Variants in USP32 observed in about 807,000 individuals in gnomAD.
The protein encoded by USP32 is ubiquitin carboxyl-terminal hydrolase 32.
USP32 carries 59 observed loss-of-function variants against 204.8 expected under a neutral mutation model. The observed-to-expected ratio is 0.29, with a 90% CI of 0.23 to 0.36. USP32 has a LOEUF of 0.36. USP32 is among the 10% of genes least tolerant of loss of function. The probability of loss-of-function intolerance (pLI) is 1.00; values close to 1 mark genes in which losing one functional copy is unlikely to be tolerated. For synonymous variants in USP32, 517 were observed against 678.4 expected, an observed-to-expected ratio of 0.76 and a Z score of 3.70; for missense variants, 1,160 against 1,946.4, an observed-to-expected ratio of 0.60 and a Z score of 7.60.
At chr17:60,223,145 T>A (rs903835386) in intron 14 of USP32, among the ~76,000 whole-genome samples, 3 of 152,134 alleles carry the variant, frequency 2.0e-5, no homozygotes, top group East Asian at 3.8e-4. Flanking sequence ...GAAAAAAAAA[T>A]TCATACATAG....
intron 16 of USP32, among the ~76,000 whole-genome samples, chr17:60,216,402 C>G (rs1056173693): frequency 6.6e-6 from 1 of 151,634 alleles, no homozygotes; most frequent in Admixed American, 6.6e-5. Context: ...TATTGAGCAA[C>G]CCAACTTAAA....
intron 4 of USP32, among the ~76,000 whole-genome samples, chr17:60,289,029 A>G (rs540702198): frequency 6.6e-6 from 1 of 152,320 alleles, no homozygotes; most frequent in African/African-American, 2.4e-5. Context: ...TTTGTTTGAG[A>G]CGGAGTCTCA....
chr17:60,244,570 T>G (rs748321912), intron 11 of USP32, among the ~76,000 whole-genome samples: 1 of 152,230 alleles, frequency 6.6e-6, no homozygotes, highest in Non-Finnish European at 1.5e-5. Flanking sequence ...TGGGGGATCA[T>G]TTTCTTAGAG....
At chr17:60,330,954 T>C (rs1339622800) in intron 2 of USP32, among the ~76,000 whole-genome samples, 2 of 152,208 alleles carry the variant, frequency 1.3e-5, no homozygotes, top group African/African-American at 2.4e-5. Context: ...AAGTTAACTG[T>C]ACTTGTAACT....
chr17:60,359,822 GATAA>G (rs970904971), intron 1 of USP32, among the ~76,000 whole-genome samples: 15 of 151,404 alleles, frequency 9.9e-5, no homozygotes, highest in South Asian at 2.1e-4. Context: ...GAAAATAATA[GATAA>G]ATAAAGAGTT....
chr17:60,190,831 A>C (rs2084361550), intron 28 of USP32, 148 bp from the exon 29 acceptor site: 2 of 1,135,618 alleles, frequency 1.8e-6, no homozygotes, highest in South Asian at 3.7e-5. Context: ...GACTCTGATA[A>C]ATGTAGGGAT....
chr17:60,281,253 C>A (rs114695649), intron 5 of USP32, among the ~76,000 whole-genome samples: 2 of 151,928 alleles, frequency 1.3e-5, no homozygotes, highest in Non-Finnish European at 1.5e-5. Context: ...AAAACACATG[C>A]TCTGGCCGGG....
chr17:60,378,094 C>A (rs2089582620), intron 1 of USP32, among the ~76,000 whole-genome samples: 1 of 151,802 alleles, frequency 6.6e-6, no homozygotes, highest in Non-Finnish European at 1.5e-5. Context: ...AACTACAACT[C>A]AACAACAAAA....
At chr17:60,411,717 A>T (rs1260276727) in intron 1 of USP32, among the ~76,000 whole-genome samples, 1 of 151,552 alleles carries the variant, frequency 6.6e-6, no homozygotes, top group Non-Finnish European at 1.5e-5. Flanking sequence ...TATTTTAGAT[A>T]TTTCATATAA....
chr17:60,362,392 T>C (rs2089227890), intron 1 of USP32, among the ~76,000 whole-genome samples: 1 of 152,238 alleles, frequency 6.6e-6, no homozygotes, highest in African/African-American at 2.4e-5. Context: ...GGTTTTCCTC[T>C]ACTAAGAATG....
At chr17:60,323,543 C>T (rs1005971710) in intron 2 of USP32, among the ~76,000 whole-genome samples, 3 of 152,244 alleles carry the variant, frequency 2.0e-5, no homozygotes, top group Admixed American at 2.0e-4. Flanking sequence ...AATGGGTACA[C>T]AACTCTATGA....
intron 1 of USP32, among the ~76,000 whole-genome samples, chr17:60,371,038 G>C (rs1285321273): frequency 1.3e-5 from 2 of 151,564 alleles, no homozygotes; most frequent in Non-Finnish European, 2.9e-5. Context: ...GACTATCTTA[G>C]ACAACACAGT....
Position 60,377,737 on chromosome 17 carries a change from G to A in USP32, c.58+14145C>T, listed in dbSNP as rs1173052830. ...TTTCCTCTTAATTTATCCACAGGCT[G>A]TGTGAATAATTTAGAAAATTATTTT... On this transcript the variant is annotated intron_variant, in intron 1 of 33. Coordinates refer to ENST00000300896, the MANE Select transcript of USP32 (RefSeq NM_032582.4). Among the ~76,000 whole-genome samples, 3 of 152,196 alleles carry A rather than the reference G, an allele frequency of 2.0e-5. No individual in the cohort carries two copies. The East Asian group carries it at 5.8e-4, about 29-fold the overall frequency.
chr17:60,206,943 C>T, intron 25 of USP32, 78 bp downstream of exon 25: 11 of 1,534,254 alleles, frequency 7.2e-6, no homozygotes, highest in South Asian at 1.2e-5. Flanking sequence ...TCAGCATGAA[C>T]AAATATAAAA....
Position 60,316,054 on chromosome 17 carries a change from A to C in USP32, c.187-14350T>G, listed in dbSNP as rs576356559. ...TTCCAGCATCTGATATGGGACTTCAAAACAGATCTGTGCTTCCAGAATACA... is the reference window on the plus strand; with the variant it reads ...TTCCAGCATCTGATATGGGACTTCACAACAGATCTGTGCTTCCAGAATACA... On this transcript the variant is annotated intron_variant, in intron 2 of 33. Coordinates refer to ENST00000300896, the MANE Select transcript of USP32 (RefSeq NM_032582.4). 11 of 191,892 alleles carry C rather than the reference A, an allele frequency of 5.7e-5. No individual in the cohort carries two copies. The South Asian group carries it at 1.0e-3, about 18-fold the overall frequency. The allele number at this position is 191,892 out of a possible 1,614,324, so 11.9% of individuals were successfully genotyped here. A position where few individuals can be genotyped will look rare whatever the true frequency, so the allele number is the denominator to read the frequency against.
chr17:60,392,592 G>C (rs747309245), upstream of USP32: 1 of 447,094 alleles, frequency 2.2e-6, no homozygotes, highest in South Asian at 1.6e-5. Context: ...CAGAATCTTA[G>C]GGAATGGGGT....
At chr17:60,329,943 G>A (rs2088340136) in intron 2 of USP32, among the ~76,000 whole-genome samples, 1 of 152,228 alleles carries the variant, frequency 6.6e-6, no homozygotes, top group South Asian at 2.1e-4. Context: ...TATTACTAGA[G>A]ATCAATGAGG....
At chr17:60,204,134 C>T (rs1373185178) in intron 26 of USP32, among the ~76,000 whole-genome samples, 5 of 152,132 alleles carry the variant, frequency 3.3e-5, no homozygotes, top group Admixed American at 2.0e-4. Context: ...AGAGGAATTA[C>T]GCACAACTTG....
chr17:60,418,062 G>A (rs572822848), intron 1 of USP32, among the ~76,000 whole-genome samples: 19 of 151,664 alleles, frequency 1.3e-4, no homozygotes, highest in Admixed American at 5.3e-4. Context: ...AGGTTCAAGC[G>A]ATTCTCCTGC....
Sources: gnomAD v4.1 joint callset for allele counts (sites outside exome capture counted in the v4.1 genomes callset) on GRCh38, gnomAD v4.1.1 for gene constraint, MANE v1.5 for transcripts, NCBI Gene and HGNC (gene_info 2026-07-23, HGNC 2026-07-21) for gene names.